The following SPAG16 variants were observed in gnomAD, a reference collection of about 807,000 sequenced individuals.
The protein encoded by SPAG16 is sperm-associated antigen 16 protein.
A neutral mutation model predicts 80.4 loss-of-function variants in SPAG16; 86 were observed. The observed-to-expected ratio is 1.07, with a 90% CI of 0.90 to 1.28. The LOEUF is 1.28. SPAG16 is among the 50% of genes most tolerant of loss of function. The pLI is 0.00. For missense variants in SPAG16, 870 were observed against 765.3 expected, an observed-to-expected ratio of 1.14 and a Z score of -1.61; for synonymous variants, 294 against 265.9, an observed-to-expected ratio of 1.11 and a Z score of -1.03.
At chr2:213,427,285 T>C (rs2125463287) in intron 9 of SPAG16, among the ~76,000 whole-genome samples, 1 of 152,298 alleles carries the variant, frequency 6.6e-6, no homozygotes, top group East Asian at 1.9e-4. Context: ...ATACTATTTG[T>C]TTTAGATAAT....
intron 10 of SPAG16, among the ~76,000 whole-genome samples, chr2:213,616,932 C>T (rs1275851222): frequency 1.3e-5 from 2 of 152,088 alleles, no homozygotes; most frequent in African/African-American, 4.8e-5. Flanking sequence ...AAGCAAGAAC[C>T]ACAACATGAA....
chr2:213,751,272 C>T (rs1473412442), intron 10 of SPAG16, among the ~76,000 whole-genome samples: 1 of 152,034 alleles, frequency 6.6e-6, no homozygotes, highest in Non-Finnish European at 1.5e-5. Flanking sequence ...GTTAAAATTT[C>T]TCCTCCACGT....
At chr2:214,167,598 T>G (rs767985082) in intron 15 of SPAG16, among the ~76,000 whole-genome samples, 2 of 152,304 alleles carry the variant, frequency 1.3e-5, no homozygotes, top group East Asian at 1.9e-4. Flanking sequence ...CCCTTCTATA[T>G]GCCCACAGGA....
chr2:213,385,303 G>A (rs1215546037), intron 9 of SPAG16, among the ~76,000 whole-genome samples: 1 of 152,108 alleles, frequency 6.6e-6, no homozygotes, highest in Non-Finnish European at 1.5e-5. Context: ...GCTTCAAAGA[G>A]CCATCCTAGC....
chr2:213,904,278 A>G (rs2077343037), intron 11 of SPAG16, among the ~76,000 whole-genome samples: 1 of 152,174 alleles, frequency 6.6e-6, no homozygotes, highest in Non-Finnish European at 1.5e-5. Context: ...TGGGAAGAAA[A>G]AGAGGTTTAA....
chr2:214,185,440 C>A (rs547266733), intron 15 of SPAG16, among the ~76,000 whole-genome samples: 1 of 151,636 alleles, frequency 6.6e-6, no homozygotes, highest in Admixed American at 6.6e-5. Flanking sequence ...AAAATAAATT[C>A]GCATAAATAG....
intron 12 of SPAG16, among the ~76,000 whole-genome samples, chr2:213,931,035 G>A (rs866501064): frequency 2.0e-5 from 3 of 152,108 alleles, no homozygotes; most frequent in African/African-American, 7.2e-5. Flanking sequence ...CCCTGTGTTC[G>A]CTCAGTCCTA....
chr2:214,003,753 A>G (rs752118840), intron 12 of SPAG16, among the ~76,000 whole-genome samples: 7 of 152,232 alleles, frequency 4.6e-5, no homozygotes, highest in Non-Finnish European at 7.3e-5. Context: ...TATTTAATAT[A>G]TATAGTTGAA....
intron 10 of SPAG16, among the ~76,000 whole-genome samples, chr2:213,641,487 CA>C (rs2062586602): frequency 2.0e-5 from 3 of 152,190 alleles, no homozygotes; most frequent in African/African-American, 7.2e-5. Context: ...GAATTTACTA[CA>C]AAGTTTAGTG....
At chr2:213,872,472 T>C (rs749590631) in intron 11 of SPAG16, among the ~76,000 whole-genome samples, 79 of 152,166 alleles carry the variant, frequency 5.2e-4, no homozygotes, top group Admixed American at 1.4e-3. Context: ...CATTTATTAA[T>C]TTAAAAAATT....
At chr2:213,467,191 G>A (rs1559161208) in intron 9 of SPAG16, among the ~76,000 whole-genome samples, 1 of 151,958 alleles carries the variant, frequency 6.6e-6, no homozygotes. Context: ...ATGGCTTCTA[G>A]CCCTTTCCTA....
intron 10 of SPAG16, among the ~76,000 whole-genome samples, chr2:213,720,622 A>G (rs2066477800): frequency 1.3e-5 from 2 of 151,644 alleles, no homozygotes; most frequent in African/African-American, 4.8e-5. Flanking sequence ...TGGGCGACAG[A>G]GAAAGACTCC....
In SPAG16 at chr2:213,422,320, A is replaced by T. The variant is rs1237206056; in HGVS notation, c.942+47201A>T. ...GCAGAAGTTGCTTGGAGTGCATCTG[A>T]TCCAGCTCCAGGCTTACACAGATCC... On this transcript the variant is annotated intron_variant, in intron 9 of 15. Coordinates refer to ENST00000331683, the MANE Select transcript of SPAG16 (RefSeq NM_024532.5). 3 of 701,416 alleles carry T rather than the reference A, an allele frequency of 4.3e-6. No homozygotes were observed. The Admixed American group carries it at 6.0e-5, about 14-fold the overall frequency. 43.4% of individuals were successfully genotyped at this position (701,416 alleles called of 1,614,324 possible). A position where few individuals can be genotyped will look rare whatever the true frequency, so the allele number is the denominator to read the frequency against.
rs750354896 is a variant in SPAG16 at position 213,437,544 on chromosome 2, A to G, written c.943-52419A>G. Among the ~76,000 whole-genome samples, 5 of 152,206 alleles carry G rather than the reference A, an allele frequency of 3.3e-5. 1 individual carries two copies. The highest frequency in any genetic ancestry group is 6.5e-5 in the Admixed American group (1 of 15,282). ...AAGCTTTTTGTTCTCACTTATTTCA[A>G]CACAAATTCAGCCATTATAGGGGTG... On this transcript the variant is annotated intron_variant, in intron 9 of 15. Transcript: ENST00000331683.
intron 9 of SPAG16, among the ~76,000 whole-genome samples, chr2:213,387,744 G>A (rs534805467): frequency 7.0e-4 from 106 of 151,690 alleles, no homozygotes; most frequent in African/African-American, 2.3e-3. Context: ...GTGAGCCACC[G>A]CGCCCGGCCA....
intron 15 of SPAG16, among the ~76,000 whole-genome samples, chr2:214,261,649 T>C (rs947168186): frequency 3.3e-5 from 5 of 152,216 alleles, no homozygotes; most frequent in African/African-American, 1.2e-4. Flanking sequence ...CAAATAAAAG[T>C]AACAATATGT....
chr2:214,124,289 G>A (rs546054015), intron 14 of SPAG16, among the ~76,000 whole-genome samples: 111 of 150,268 alleles, frequency 7.4e-4, no homozygotes, highest in African/African-American at 2.4e-3. Flanking sequence ...TAATGTCACT[G>A]ATCAGGATAT....
intron 15 of SPAG16, among the ~76,000 whole-genome samples, chr2:214,340,733 T>C (rs1024637407): frequency 6.6e-6 from 1 of 152,204 alleles, no homozygotes; most frequent in Non-Finnish European, 1.5e-5. Flanking sequence ...CTTAGGGCCC[T>C]ATATGGCTGT....
intron 10 of SPAG16, among the ~76,000 whole-genome samples, chr2:213,714,184 CT>C (rs1404812094): frequency 6.6e-6 from 1 of 152,120 alleles, no homozygotes; most frequent in East Asian, 1.9e-4. Flanking sequence ...AATCCAGGAG[CT>C]AAGTAGGTAC....
Sources: gnomAD v4.1 joint callset for allele counts (sites outside exome capture counted in the v4.1 genomes callset) on GRCh38, gnomAD v4.1.1 for gene constraint, MANE v1.5 for transcripts, NCBI Gene and HGNC (gene_info 2026-07-23, HGNC 2026-07-21) for gene names.